The following RPS6KC1 variants were observed in gnomAD, a reference collection of about 807,000 sequenced individuals.
The protein encoded by RPS6KC1 is inactive ribosomal protein S6 kinase delta-1.
Under a neutral mutation model 103.8 loss-of-function variants are expected in RPS6KC1, and 54 were observed. The ratio of observed to expected loss-of-function variants is 0.52; its 90% CI spans 0.42 to 0.65. The LOEUF (loss-of-function observed/expected upper bound fraction) is 0.65. RPS6KC1 is among the 30% of genes least tolerant of loss of function. The pLI is 0.00. For synonymous variants in RPS6KC1, 439 were observed against 438.7 expected (o/e 1.00, Z -0.01); for missense variants, 1,151 against 1,253.8 (o/e 0.92, Z 1.24).
At chr1:213,860,116 G>GAT in the RPS6KC1 span, among the ~76,000 whole-genome samples, 1 of 150,802 alleles carries the variant, frequency 6.6e-6, no homozygotes, top group African/African-American at 2.4e-5. Flanking sequence ...TATATATTCA[G>GAT]ATATATATAC....
the RPS6KC1 span, among the ~76,000 whole-genome samples, chr1:213,365,563 G>A: frequency 3.3e-5 from 5 of 152,194 alleles, no homozygotes; most frequent in East Asian, 1.9e-4. Context: ...ATCAAAACCC[G>A]ACAGACAGAA....
the RPS6KC1 span, among the ~76,000 whole-genome samples, chr1:213,545,350 G>A: frequency 6.7e-6 from 1 of 148,888 alleles, no homozygotes; most frequent in Non-Finnish European, 1.5e-5. Flanking sequence ...CAGCCTGGGA[G>A]ACAAGAGTGA....
the RPS6KC1 span, among the ~76,000 whole-genome samples, chr1:213,721,106 C>T: frequency 5.9e-5 from 9 of 152,204 alleles, no homozygotes; most frequent in Non-Finnish European, 1.3e-4. Flanking sequence ...AAGTCAATCC[C>T]TATCTCAGCT....
chr1:213,809,894 A>G, the RPS6KC1 span, among the ~76,000 whole-genome samples: 1 of 152,216 alleles, frequency 6.6e-6, no homozygotes, highest in Non-Finnish European at 1.5e-5. Flanking sequence ...TTCCCTTGCC[A>G]TTTCTATCTG....
chr1:213,854,560 CT>C, the RPS6KC1 span, among the ~76,000 whole-genome samples: 3 of 96,298 alleles, frequency 3.1e-5, no homozygotes, highest in African/African-American at 1.7e-4. Flanking sequence ...TTCTTTCTTT[CT>C]TTCTCTCTCT....
the RPS6KC1 span, among the ~76,000 whole-genome samples, chr1:213,802,682 C>A: frequency 1.3e-5 from 2 of 152,138 alleles, no homozygotes; most frequent in East Asian, 3.8e-4. Flanking sequence ...GATGCTTTTC[C>A]TCAGAAGATC....
chr1:213,079,598 T>G (rs2148547236), intron 3 of RPS6KC1, among the ~76,000 whole-genome samples: 1 of 152,068 alleles, frequency 6.6e-6, no homozygotes, highest in Middle Eastern at 3.4e-3. Flanking sequence ...TTCTATTTTT[T>G]GTAGAAATGG....
chr1:213,236,987 C>T (rs1242685345), intron 10 of RPS6KC1, among the ~76,000 whole-genome samples: 1 of 151,864 alleles, frequency 6.6e-6, no homozygotes, highest in South Asian at 2.1e-4. Flanking sequence ...AGACCTATTC[C>T]CCAGAAATAG....
At chr1:213,213,880 A>G (rs555134895) in intron 8 of RPS6KC1, among the ~76,000 whole-genome samples, 1 of 152,320 alleles carries the variant, frequency 6.6e-6, no homozygotes, top group South Asian at 2.1e-4. Context: ...ATTTTTAAAA[A>G]ACCATCATAC....
the RPS6KC1 span, among the ~76,000 whole-genome samples, chr1:213,524,762 C>A: frequency 2.0e-5 from 3 of 152,160 alleles, no homozygotes; most frequent in African/African-American, 7.2e-5. Flanking sequence ...GCAGTGCCTA[C>A]CACTTGCACC....
the RPS6KC1 span, among the ~76,000 whole-genome samples, chr1:213,630,892 A>T: frequency 6.6e-6 from 1 of 152,150 alleles, no homozygotes; most frequent in Non-Finnish European, 1.5e-5. Flanking sequence ...AGAACAGCAG[A>T]TATTGGTGAA....
At chr1:213,238,943 A>C (rs998766302) in intron 10 of RPS6KC1, among the ~76,000 whole-genome samples, 1 of 152,192 alleles carries the variant, frequency 6.6e-6, no homozygotes, top group Admixed American at 6.5e-5. Flanking sequence ...AGGTTCAAGC[A>C]TTGTTAGAGT....
At chr1:213,706,266 C>T in the RPS6KC1 span, among the ~76,000 whole-genome samples, 4 of 152,166 alleles carry the variant, frequency 2.6e-5, no homozygotes, top group Non-Finnish European at 5.9e-5. Flanking sequence ...GTTCTGATTG[C>T]TGAGATTGCT....
At chr1:213,510,878 C>T in the RPS6KC1 span, among the ~76,000 whole-genome samples, 2 of 152,064 alleles carry the variant, frequency 1.3e-5, no homozygotes, top group Non-Finnish European at 2.9e-5. Context: ...TGGTGCCTAG[C>T]CCAGGGCCGA....
chr1:213,215,494 C>T (rs2093635180), intron 8 of RPS6KC1, among the ~76,000 whole-genome samples: 1 of 152,176 alleles, frequency 6.6e-6, no homozygotes, highest in Non-Finnish European at 1.5e-5. Flanking sequence ...TCTAGCAAGG[C>T]AGGCCAACAT....
the RPS6KC1 span, among the ~76,000 whole-genome samples, chr1:213,681,990 A>G: frequency 1.3e-4 from 20 of 152,282 alleles, no homozygotes; most frequent in Admixed American, 1.1e-3. Context: ...GCTCTAAGCC[A>G]TACTGTGGCC....
chr1:213,807,036 T>A, the RPS6KC1 span, among the ~76,000 whole-genome samples: 1 of 152,154 alleles, frequency 6.6e-6, no homozygotes, highest in Non-Finnish European at 1.5e-5. Context: ...CCTTCACTTA[T>A]GAAGCTTAGT....
At position 213,262,775 on chromosome 1, in the gene RPS6KC1, C is replaced by G. The variant is rs778233900; in HGVS notation, c.3049C>G (p.Pro1017Ala). The change falls in exon 14 of 15, where the codon CCA becomes GCA. Residue 1017 changes from proline to alanine, a missense_variant. Transcript: ENST00000366960. ...GINTHTTLNM[P>A]ECVSEEARSL... ...AAATACTCACACTACTTTGAACATG[C>G]CAGAATGTGTCTCTGAAGAGGCTCG... The G allele has an allele frequency of 2.5e-6, 4 of 1,612,910 alleles. No individual in the cohort carries two copies. Among genetic ancestry groups the G allele is most frequent in the Non-Finnish European group, 3.4e-6 (4 of 1,179,030 alleles).
chr1:213,096,023 G>A (rs1285974508), intron 3 of RPS6KC1, among the ~76,000 whole-genome samples: 1 of 152,160 alleles, frequency 6.6e-6, no homozygotes, highest in Non-Finnish European at 1.5e-5. Context: ...ACATGTGATG[G>A]TGTTTGATAG....
Sources: gnomAD v4.1 joint callset for allele counts (sites outside exome capture counted in the v4.1 genomes callset) on GRCh38, gnomAD v4.1.1 for gene constraint, MANE v1.5 for transcripts, NCBI Gene and HGNC (gene_info 2026-07-23, HGNC 2026-07-21) for gene names.